Variants in COL11A1 observed in about 807,000 individuals in gnomAD.
COL11A1 encodes collagen type XI alpha 1 chain.
In COL11A1, 74 loss-of-function variants were observed where a neutral mutation model predicts 265.2. The ratio of observed to expected loss-of-function variants is 0.28; its 90% confidence interval spans 0.23 to 0.34. COL11A1 has a LOEUF of 0.34. COL11A1 is among the 10% of genes least tolerant of loss of function. COL11A1 has a pLI of 1.00. For synonymous variants in COL11A1, 816 were observed against 727.6 expected (o/e 1.12, Z -1.96); for missense variants, 2,165 against 2,263.6 (o/e 0.96, Z 0.88).
At chr1:102,962,572 G>A (rs1570880351) in intron 39 of COL11A1, 81 bp downstream of exon 39, 2 of 1,196,058 alleles carry the variant, frequency 1.7e-6, no homozygotes, top group East Asian at 2.3e-5. Flanking sequence ...CATTTAAATG[G>A]AATCTGTAGA....
rs1465214842 is a variant in COL11A1, at chr1:103,014,520, C to A, written c.1563G>T (p.Gln521His). 1.9e-6 allele frequency: 3 copies of A among 1,613,666 alleles called. No individual in the cohort carries two copies. The South Asian group carries it at 3.3e-5, about 18-fold the overall frequency. Reference protein sequence around the residue: ...AQEAQAQAILQQARIALRGPP... With the variant: ...AQEAQAQAILHQARIALRGPP... The stretch of plus-strand genomic sequence containing the variant: ...GTTTATCCTGTCTTACCCGAGCCTG[C>A]TGAAGAATAGCTTGAGCCTGAGCTT... Residue 521 changes from glutamine to histidine, a missense_variant, in exon 13 of 67, where the codon CAG becomes CAT. By Grantham distance (24) the Gln-to-His change is conservative (BLOSUM62 0). Coordinates refer to ENST00000370096, the MANE Select transcript of COL11A1 (RefSeq NM_001854.4).
intron 14 of COL11A1, among the ~76,000 whole-genome samples, chr1:103,009,968 T>C (rs1257627020): frequency 2.6e-5 from 4 of 152,190 alleles, no homozygotes; most frequent in African/African-American, 4.8e-5. Flanking sequence ...GAATGGACTA[T>C]TTTTAATTAA....
intron 4 of COL11A1, among the ~76,000 whole-genome samples, chr1:103,041,167 G>A (rs937132477): frequency 6.6e-6 from 1 of 151,820 alleles, no homozygotes; most frequent in Non-Finnish European, 1.5e-5. Context: ...ATTAGAATTT[G>A]ACATTTACAT....
intron 46 of COL11A1, among the ~76,000 whole-genome samples, chr1:102,927,898 T>C (rs1252456327): frequency 6.6e-6 from 1 of 152,116 alleles, no homozygotes; most frequent in East Asian, 1.9e-4. Context: ...TTTGGCAGGA[T>C]CCCATTTCTC....
Position 102,992,226 on chromosome 1 carries a change from T to C in COL11A1, c.2341-2655A>G, listed in dbSNP as rs186791887. 2.4e-3 allele frequency among the ~76,000 whole-genome samples: 368 copies of C among 152,266 alleles called. 1 individual carries two copies. Among genetic ancestry groups the C allele is most frequent in the Non-Finnish European group, 4.1e-3 (279 of 68,008 alleles). ...TTTCCTTATAACAAATGTCATTTTT[T>C]AGCAAGTGACGTATCAAGTTATTAA... On this transcript the variant is annotated intron_variant, in intron 28 of 66. Transcript: ENST00000370096.
chr1:102,885,512 G>A (rs1024499821), intron 63 of COL11A1, among the ~76,000 whole-genome samples: 1 of 151,796 alleles, frequency 6.6e-6, no homozygotes, highest in Non-Finnish European at 1.5e-5. Flanking sequence ...ATATAAACAG[G>A]AAAAGTATTC....
chr1:102,891,476 C>T (rs1032411059), intron 57 of COL11A1, among the ~76,000 whole-genome samples: 1 of 151,946 alleles, frequency 6.6e-6, no homozygotes, highest in African/African-American at 2.4e-5. Context: ...AACTTACATT[C>T]TATGAAAATT....
At chr1:102,914,668 A>C (rs755059936) in intron 51 of COL11A1, 36 bp downstream of exon 51, 1 of 1,506,286 alleles carries the variant, frequency 6.6e-7, no homozygotes, top group Admixed American at 1.7e-5. Context: ...TGAGTTTGGC[A>C]TAAATGCCAC....
chr1:102,923,434 T>TAA, intron 46 of COL11A1, 45 bp from the exon 47 acceptor site: 11 of 1,260,776 alleles, frequency 8.7e-6, no homozygotes, highest in South Asian at 1.5e-5. Context: ...CTGATGTCTT[T>TAA]AAAAAAAAAA....
chr1:103,081,826 T>C (rs1672437079), intron 2 of COL11A1, among the ~76,000 whole-genome samples: 1 of 151,930 alleles, frequency 6.6e-6, no homozygotes, highest in Admixed American at 6.6e-5. Context: ...AAAGGACCAT[T>C]TGATGACATA....
At position 102,887,000 on chromosome 1, in the gene COL11A1, T is replaced by A. The variant is rs149516921; in HGVS notation, c.4665A>T (p.Arg1555Ser). 8.1e-6 allele frequency: 13 copies of A among 1,613,946 alleles called. No individual in the cohort carries two copies. In the Admixed American group the frequency reaches 2.0e-4, roughly 25 times the overall value. Residue 1555 changes from arginine to serine, a missense_variant, in exon 63 of 67, where the codon AGA becomes AGT. Transcript: ENST00000370096. ...PLPILSSKKT[R>S]RHTEGMQADA... is the part of the protein sequence containing the mutation. The stretch of plus-strand genomic sequence containing the variant: ...CTGCTTGCATGCCTTCAGTATGTCT[T>A]CTCGTTTTTTTGGAGGACAAGATTG...
chr1:103,011,090 C>T (rs934679539), intron 14 of COL11A1, among the ~76,000 whole-genome samples: 36 of 152,106 alleles, frequency 2.4e-4, no homozygotes, highest in Non-Finnish European at 5.9e-5. Flanking sequence ...AAATTACAGT[C>T]GCTGGTTCCA....
rs956310270 is a variant in COL11A1 at position 102,978,603 on chromosome 1, A to C, written c.2754+105T>G. The stretch of plus-strand genomic sequence containing the variant: ...TTTAAATTCAGACTAGATTTTGTGG[A>C]TAGACATGCACATGTATTAGCAGAC... On this transcript the variant is annotated intron_variant, in intron 35 of 66. Coordinates refer to ENST00000370096, the MANE Select transcript of COL11A1 (RefSeq NM_001854.4). 1.1e-5 allele frequency: 13 copies of C among 1,193,986 alleles called. No homozygotes were observed. The African/African-American group carries it at 1.4e-4, about 13-fold the overall frequency. 74.0% of individuals were successfully genotyped at this position (1,193,986 alleles called of 1,614,324 possible).
chr1:102,877,869 C>A lies in COL11A1; in HGVS notation c.*150G>T. 1.4e-6 allele frequency: 1 copy of A among 728,172 alleles called. No homozygotes were observed. Among genetic ancestry groups the A allele is most frequent in the East Asian group, 2.7e-5 (1 of 36,852 alleles). 45.1% of individuals were successfully genotyped at this position (728,172 alleles called of 1,614,324 possible). A position where few individuals can be genotyped will look rare whatever the true frequency, so the allele number is the denominator to read the frequency against. On this transcript the variant is annotated 3_prime_UTR_variant, in exon 67 of 67. Coordinates refer to ENST00000370096, the MANE Select transcript of COL11A1 (RefSeq NM_001854.4). ...AAGCTTTTGCCATGTGATTCTGCCC[C>A]CACAAAGGCATCGGTATTTCCTAAA... is the stretch of plus-strand genomic sequence containing the variant.
chr1:103,027,379 C>T (rs1395929210), intron 5 of COL11A1, among the ~76,000 whole-genome samples: 1 of 128,816 alleles, frequency 7.8e-6, no homozygotes, highest in Non-Finnish European at 1.6e-5. Context: ...GCAGTAAACT[C>T]AACAAGTTAA....
intron 4 of COL11A1, among the ~76,000 whole-genome samples, chr1:103,068,268 C>A (rs530316324): frequency 6.6e-6 from 1 of 151,478 alleles, no homozygotes; most frequent in African/African-American, 2.4e-5. Flanking sequence ...ATCTATACAC[C>A]TTTAAGGAAT....
At chr1:103,044,144 C>A (rs1179572739) in intron 4 of COL11A1, among the ~76,000 whole-genome samples, 5 of 150,370 alleles carry the variant, frequency 3.3e-5, no homozygotes, top group African/African-American at 1.2e-4. Flanking sequence ...TCTGAATTTG[C>A]CAAGGCATTA....
intron 31 of COL11A1, among the ~76,000 whole-genome samples, chr1:102,981,239 G>A (rs1205718064): frequency 6.6e-6 from 1 of 151,802 alleles, no homozygotes; most frequent in African/African-American, 2.4e-5. Context: ...CACGTACTGG[G>A]GAAAAAAATC....
At chr1:102,917,276 T>G (rs1003424306) in intron 49 of COL11A1, among the ~76,000 whole-genome samples, 1 of 151,884 alleles carries the variant, frequency 6.6e-6, no homozygotes, top group Non-Finnish European at 1.5e-5. Flanking sequence ...AGAAATCTGA[T>G]TTGCCTTAAG....
Sources: allele counts gnomAD v4.1 joint callset (sites outside exome capture counted in the v4.1 genomes callset), GRCh38; gene constraint gnomAD v4.1.1; transcripts MANE v1.5; gene names NCBI Gene and HGNC (gene_info 2026-07-23, HGNC 2026-07-21).